SMIM22: variants seen among roughly 807,000 people sequenced by gnomAD.
SMIM22 encodes cancer associated small integral membrane open reading frame 1.
Under a neutral mutation model 8.4 loss-of-function variants are expected in SMIM22, and 16 were observed. That is an observed-to-expected ratio of 1.90 (90% CI 1.29 to 2.89). The LOEUF is 2.89. Among genes scored for constraint, SMIM22 ranks in the 30% most tolerant of loss-of-function variants. The pLI is 0.00. For missense variants in SMIM22, 159 were observed against 107.5 expected (o/e 1.48, Z -2.12); for synonymous variants, 67 against 47.6 (o/e 1.41, Z -1.68).
chr16:4,794,729 T>A (rs1246983702), upstream of SMIM22, among the ~76,000 whole-genome samples: 1 of 152,160 alleles, frequency 6.6e-6, no homozygotes, highest in Non-Finnish European at 1.5e-5. Context: ...CCAATTTTTG[T>A]ATTTTTAGTA....
upstream of SMIM22, among the ~76,000 whole-genome samples, chr16:4,793,792 C>T (rs896432122): frequency 5.9e-5 from 9 of 152,288 alleles, no homozygotes; most frequent in African/African-American, 1.9e-4. Context: ...ACAATTTTTT[C>T]TTGAGATGGA....
In SMIM22 at chr16:4,796,034, G is replaced by A. The variant is rs1296517546; in HGVS notation, c.211G>A (p.Val71Met). ...GCCCCGCAGGGAAAGCCCCAGGAAG[G>A]TGAGCCCCTGGAAGGTGAGCCCTGC... ...PGPRRESPRK[V>M]SPWKERPKGV... Residue 71 changes from valine to methionine, a missense_variant, in exon 3 of 4, where the codon GTG becomes ATG. Physicochemically the swap from Val to Met is conservative, Grantham distance 21. Transcript: ENST00000586005. 1 of 1,527,766 alleles carries A rather than the reference G, an allele frequency of 6.5e-7. No homozygotes were observed. The highest frequency in any genetic ancestry group is 1.2e-5 in the South Asian group (1 of 83,244). The allele number at this position is 1,527,766 out of a possible 1,614,324, so 94.6% of individuals were successfully genotyped here.
upstream of SMIM22, among the ~76,000 whole-genome samples, chr16:4,791,358 C>T (rs971316151): frequency 1.3e-5 from 2 of 152,218 alleles, no homozygotes; most frequent in Non-Finnish European, 1.5e-5. Context: ...TGGATGGAAT[C>T]ACACGTCAAC....
At chr16:4,792,970 G>A (rs754396047), upstream of SMIM22, among the ~76,000 whole-genome samples, 13 of 152,000 alleles carry the variant, frequency 8.6e-5, no homozygotes, top group Non-Finnish European at 1.5e-4. Flanking sequence ...TTAGCTGGGC[G>A]TGGTGGCAGG....
intron 1 of SMIM22, 125 bp from the exon 2 acceptor site, chr16:4,795,589 TG>T: frequency 9.6e-7 from 1 of 1,042,726 alleles, no homozygotes; most frequent in Non-Finnish European, 1.3e-6. Context: ...AGAAGTGGAG[TG>T]GGAGGGGGTG....
At chr16:4,791,336 A>G (rs180752233), upstream of SMIM22, among the ~76,000 whole-genome samples, 11 of 152,350 alleles carry the variant, frequency 7.2e-5, no homozygotes, top group African/African-American at 2.4e-4. Flanking sequence ...ATGGTGGAAG[A>G]GGACAAAAGC....
At chr16:4,793,185 T>TGGAGGGATGGGAGACCACAAGCCCA (rs1396731064), upstream of SMIM22, among the ~76,000 whole-genome samples, 1 of 127,860 alleles carries the variant, frequency 7.8e-6, no homozygotes, top group African/African-American at 3.1e-5. Context: ...AAGCAGAGGG[T>TGGAGGGATGGGAGACCACAAGCCCA]GGAGGGATGG....
chr16:4,796,406 GTC>G lies in SMIM22; in HGVS notation c.*176_*177del. 1.4e-6 allele frequency: 1 copy of G among 728,036 alleles called. No individual in the cohort carries two copies. Among genetic ancestry groups the G allele is most frequent in the South Asian group, 1.9e-5 (1 of 53,914 alleles). The allele number at this position is 728,036 out of a possible 1,614,324, so 45.1% of individuals were successfully genotyped here. A position where few individuals can be genotyped will look rare whatever the true frequency, so the allele number is the denominator to read the frequency against. ...GCACGACTGTGCCAGGTCATCCTCA[GTC>G]ACCTAGCTGGGAGGGGAGCTGGTCT... On this transcript the variant is annotated 3_prime_UTR_variant, in exon 4 of 4. Coordinates refer to ENST00000586005, the MANE Select transcript of SMIM22 (RefSeq NM_001253794.2).
In SMIM22 at chr16:4,796,473, T is replaced by C. The variant is rs2082646646; in HGVS notation, c.*242T>C. ...TGGCTCACACCTATAATCCCAGCAC[T>C]TTGGGAGGCCGAGGTGGGCGGATCA... On this transcript the variant is annotated 3_prime_UTR_variant, in exon 4 of 4. Transcript: ENST00000586005. 1.9e-6 allele frequency: 1 copy of C among 523,738 alleles called. No homozygotes were observed. Among genetic ancestry groups the C allele is most frequent in the Non-Finnish European group, 3.4e-6 (1 of 293,082 alleles). The allele number at this position is 523,738 out of a possible 1,614,324, so 32.4% of individuals were successfully genotyped here.
chr16:4,792,456 C>G (rs2082566552), upstream of SMIM22, among the ~76,000 whole-genome samples: 1 of 148,076 alleles, frequency 6.8e-6, no homozygotes. Context: ...TCCCAAAGTG[C>G]TGGGATTACA....
chr16:4,796,203 G>C lies in SMIM22; in HGVS notation c.239G>C (p.Gly80Ala), dbSNP rs1317583080. The C allele has an allele frequency of 1.3e-6, 2 of 1,536,026 alleles. No homozygotes were observed. Among genetic ancestry groups the C allele is most frequent in the Non-Finnish European group, 1.7e-6 (2 of 1,146,872 alleles). The part of the protein sequence containing the change: ...KVSPWKERPK[G>A]VDNLALEP ...CTTCTCGTGCAGGAAAGACCCAAGG[G>C]AGTGGATAACTTGGCCCTGGAACCC... The change falls in exon 4 of 4, where the codon GGA becomes GCA. Residue 80 changes from glycine to alanine, a missense_variant. Physicochemically the swap from Gly to Ala is moderately conservative, Grantham distance 60. Transcript: ENST00000586005.
chr16:4,795,785 GAGA>G lies in SMIM22; in HGVS notation c.52_54del (p.Arg18del). 6.5e-7 allele frequency: 1 copy of G among 1,535,958 alleles called. No homozygotes were observed. The highest frequency in any genetic ancestry group is 1.4e-5 in the African/African-American group (1 of 73,132). On this transcript the variant is annotated inframe_deletion, in exon 2 of 4. Transcript: ENST00000586005. ...AGGCCACGGTTCAGGAAGTCCTGGGGAGACTGAAGAGCCACCAGTTTTTCCAGT... is the reference window on the plus strand; with the variant it reads ...AGGCCACGGTTCAGGAAGTCCTGGGGCTGAAGAGCCACCAGTTTTTCCAGT...
In SMIM22 at chr16:4,796,337, C is replaced by A; in HGVS notation, c.*106C>A. 1.5e-6 allele frequency: 2 copies of A among 1,364,680 alleles called. No homozygotes were observed. Among genetic ancestry groups the A allele is most frequent in the African/African-American group, 1.4e-5 (1 of 69,880 alleles). The allele number at this position is 1,364,680 out of a possible 1,614,324, so 84.5% of individuals were successfully genotyped here. ...TCTGGGTGGGTGACGCGGGACTCGC[C>A]GCCCCACTCAGGTGGCCACCTGGCC... On this transcript the variant is annotated 3_prime_UTR_variant, in exon 4 of 4. Transcript: ENST00000586005.
rs2082645211 is a variant in SMIM22, at chr16:4,796,372, C to T, written c.*141C>T. The T allele has an allele frequency of 2.1e-6, 2 of 942,754 alleles. No individual in the cohort carries two copies. The highest frequency in any genetic ancestry group is 1.6e-6 in the Non-Finnish European group (1 of 636,670). The allele number at this position is 942,754 out of a possible 1,614,324, so 58.4% of individuals were successfully genotyped here. A position where few individuals can be genotyped will look rare whatever the true frequency, so the allele number is the denominator to read the frequency against. On this transcript the variant is annotated 3_prime_UTR_variant, in exon 4 of 4. Transcript: ENST00000586005. ...AGGTGGCCACCTGGCCTCTCCAAGCCTTCAGTCAGCACGACTGTGCCAGGT... is the reference window on the plus strand; with the variant it reads ...AGGTGGCCACCTGGCCTCTCCAAGCTTTCAGTCAGCACGACTGTGCCAGGT...
intron 1 of SMIM22, 109 bp downstream of exon 1, chr16:4,795,558 A>G: frequency 1.2e-6 from 1 of 860,394 alleles, no homozygotes; most frequent in Non-Finnish European, 1.7e-6. Flanking sequence ...CAAGGAGAGA[A>G]GCTGGGCCTG....
rs778473760 is a variant in SMIM22 at position 4,795,946 on chromosome 16, AG to A, written c.125del. On this transcript the variant is annotated splice_acceptor_variant, in intron 2 of 3. Coordinates refer to ENST00000586005, the MANE Select transcript of SMIM22 (RefSeq NM_001253794.2). LOFTEE classifies it high-confidence loss of function. ...ACACCTGGACGCCTGTCCTGTCCCC[AG>A]GCACCGTGCTGCTCCTGCTGCTGCT... The A allele has an allele frequency of 7.1e-4, 1,072 of 1,513,798 alleles. 1 individual carries two copies. Among genetic ancestry groups the A allele is most frequent in the Admixed American group, 1.7e-3 (85 of 48,876 alleles). The allele number at this position is 1,513,798 out of a possible 1,614,324, so 93.8% of individuals were successfully genotyped here. A position where few individuals can be genotyped will look rare whatever the true frequency, so the allele number is the denominator to read the frequency against.
intron 1 of SMIM22, chr16:4,788,617 AT>A (rs2141885538): frequency 1.3e-5 from 2 of 152,328 alleles, no homozygotes; most frequent in East Asian, 3.9e-4. Flanking sequence ...CTAGCGGGAT[AT>A]CCGTGTCCAC....
chr16:4,791,963 T>C (rs1596266349), upstream of SMIM22, among the ~76,000 whole-genome samples: 1 of 151,680 alleles, frequency 6.6e-6, no homozygotes, highest in East Asian at 2.0e-4. Context: ...CTTGGATTAC[T>C]GGTGTGAGCC....
chr16:4,792,588 G>A (rs2082568992), upstream of SMIM22, among the ~76,000 whole-genome samples: 1 of 151,176 alleles, frequency 6.6e-6, no homozygotes, highest in African/African-American at 2.4e-5. Flanking sequence ...GATTGCTAGA[G>A]CTCAGGAGTT....
Sources: gnomAD v4.1 joint callset for allele counts (sites outside exome capture counted in the v4.1 genomes callset) on GRCh38, gnomAD v4.1.1 for gene constraint, MANE v1.5 for transcripts, NCBI Gene and HGNC (gene_info 2026-07-23, HGNC 2026-07-21) for gene names.